Variants in PTGR2 observed in about 807,000 individuals in gnomAD.
The protein encoded by PTGR2 is prostaglandin reductase 2, also known as 15-oxoprostaglandin 13-reductase.
In PTGR2, 32 loss-of-function variants were observed where a neutral mutation model predicts 43.4. The observed-to-expected ratio is 0.74, with a 90% CI of 0.56 to 0.99. The LOEUF (loss-of-function observed/expected upper bound fraction) is 0.99. PTGR2 is among the 50% of genes least tolerant of loss of function. PTGR2 has a pLI of 0.00. For synonymous variants in PTGR2, 106 were observed against 139.2 expected (o/e 0.76, Z 1.68); for missense variants, 373 against 420.0 (o/e 0.89, Z 0.98).
rs2054801669 is a variant in PTGR2, at chr14:73,874,172, C to T, written c.306C>T (p.Pro102=). ...ATTTTGTGACTTCTTTCTATTGGCC[C>T]TGGCAAACCAAGGTTATTCTGGATG... ...KGDFVTSFYW[P]WQTKVILDGN... is the part of the protein sequence containing the mutation. The change falls in exon 4 of 10, where the codon CCC becomes CCT. Residue 102 remains proline (P), a synonymous_variant. Coordinates refer to ENST00000555661, the MANE Select transcript of PTGR2 (RefSeq NM_001146154.2). 1.2e-6 allele frequency: 2 copies of T among 1,613,924 alleles called. No individual in the cohort carries two copies. The highest frequency in any genetic ancestry group is 1.7e-6 in the Non-Finnish European group (2 of 1,179,970).
rs1566633979 is a variant in PTGR2 at position 73,857,666 on chromosome 14, T to TTTTTTTTTTTG, written c.-47-1140_-47-1139insGTTTTTTTTTT. Among the ~76,000 whole-genome samples, 77 of 80,674 alleles carry TTTTTTTTTTTG rather than the reference T, an allele frequency of 9.5e-4. 6 individuals are homozygous for TTTTTTTTTTTG. The South Asian group carries it at 0.034, about 35-fold the overall frequency. 52.9% of individuals were successfully genotyped at this position (80,674 alleles called of 152,430 possible). A position where few individuals can be genotyped will look rare whatever the true frequency, so the allele number is the denominator to read the frequency against. On this transcript the variant is annotated intron_variant, in intron 1 of 9. Coordinates refer to ENST00000555661, the MANE Select transcript of PTGR2 (RefSeq NM_001146154.2). The stretch of plus-strand genomic sequence containing the variant: ...TACATGTCAATTAAGCAGTTAGTGT[T>TTTTTTTTTTTG]TTTTTTTTTTTTTTTTTTTTGAGAC...
At chr14:73,857,348 C>T (rs1056928303) in intron 1 of PTGR2, among the ~76,000 whole-genome samples, 1 of 151,420 alleles carries the variant, frequency 6.6e-6, no homozygotes, top group Non-Finnish European at 1.5e-5. Context: ...CTTGGTGGCT[C>T]ATGCCTGTAA....
At chr14:73,860,835 G>T (rs2054472991) in intron 3 of PTGR2, among the ~76,000 whole-genome samples, 178 bp downstream of exon 3, 1 of 152,140 alleles carries the variant, frequency 6.6e-6, no homozygotes, top group East Asian at 1.9e-4. Context: ...ATTAAGGAAT[G>T]TTGTAGAGGG....
intron 4 of PTGR2, among the ~76,000 whole-genome samples, chr14:73,875,332 T>C (rs1480795116): frequency 1.3e-5 from 2 of 151,400 alleles, no homozygotes; most frequent in East Asian, 3.9e-4. Flanking sequence ...TAATGAGAAC[T>C]GTTGGAGTTT....
At chr14:73,854,204 G>A (rs1489118824) in intron 1 of PTGR2, among the ~76,000 whole-genome samples, 1 of 152,074 alleles carries the variant, frequency 6.6e-6, no homozygotes, top group African/African-American at 2.4e-5. Context: ...CCAGGTTCAA[G>A]TGATTCTCCT....
rs1595376715 is a variant in PTGR2, at chr14:73,884,709, G to A, written c.*532G>A. On this transcript the variant is annotated 3_prime_UTR_variant, in exon 10 of 10. Coordinates refer to ENST00000555661, the MANE Select transcript of PTGR2 (RefSeq NM_001146154.2). ...ATGGTATGATGTGTACATAGGGACT[G>A]GGGGCAGGATTGGGGGTTTCGGAGC... 6.6e-6 allele frequency: 1 copy of A among 152,192 alleles called. No homozygotes were observed. Among genetic ancestry groups the A allele is most frequent in the Non-Finnish European group, 1.5e-5 (1 of 68,182 alleles). The allele number at this position is 152,192 out of a possible 1,614,324, so 9.4% of individuals were successfully genotyped here.
intron 4 of PTGR2, among the ~76,000 whole-genome samples, chr14:73,875,368 C>G (rs2054834920): frequency 6.7e-6 from 1 of 150,196 alleles, no homozygotes; most frequent in Non-Finnish European, 1.5e-5. Context: ...TTTTTCAAGA[C>G]AGAGTCTTGC....
chr14:73,857,668 T>TG lies in PTGR2; in HGVS notation c.-47-1148_-47-1147insG, dbSNP rs1169073451. Among the ~76,000 whole-genome samples, 153 of 113,790 alleles carry TG rather than the reference T, an allele frequency of 1.3e-3. 4 individuals are homozygous for TG. Among genetic ancestry groups the TG allele is most frequent in the African/African-American group, 4.6e-3 (146 of 31,482 alleles). The allele number at this position is 113,790 out of a possible 152,430, so 74.7% of individuals were successfully genotyped here. On this transcript the variant is annotated intron_variant, in intron 1 of 9. Transcript: ENST00000555661. ...CATGTCAATTAAGCAGTTAGTGTTTTTTTTTTTTTTTTTTTTTTGAGACAG... is the reference window on the plus strand; with the variant it reads ...CATGTCAATTAAGCAGTTAGTGTTTTGTTTTTTTTTTTTTTTTTTGAGACAG...
chr14:73,873,989 T>C (rs2054795769), intron 3 of PTGR2, 34 bp from the exon 4 acceptor site: 1 of 1,511,014 alleles, frequency 6.6e-7, no homozygotes, highest in African/African-American at 1.4e-5. Flanking sequence ...TTGACATTAT[T>C]GGATAAAATT....
chr14:73,877,180 G>T lies in PTGR2; in HGVS notation c.519+12G>T. The stretch of plus-strand genomic sequence containing the variant: ...CTGTGGCTGGGCAGGTAAACTTTCT[G>T]AGAATTATTTGATTTTCTGATTATT... On this transcript the variant is annotated intron_variant, in intron 5 of 9. Coordinates refer to ENST00000555661, the MANE Select transcript of PTGR2 (RefSeq NM_001146154.2). The T allele has an allele frequency of 6.3e-7, 1 of 1,597,718 alleles. No homozygotes were observed. Among genetic ancestry groups the T allele is most frequent in the South Asian group, 1.1e-5 (1 of 89,290 alleles).
intron 3 of PTGR2, among the ~76,000 whole-genome samples, chr14:73,862,290 C>T (rs1004554471): frequency 2.6e-5 from 4 of 152,148 alleles, no homozygotes; most frequent in African/African-American, 9.6e-5. Context: ...TCACTGCAAG[C>T]TCCGCCTCCC....
At chr14:73,878,048 A>C (rs948885906) in intron 5 of PTGR2, 1 of 152,392 alleles carries the variant, frequency 6.6e-6, no homozygotes, top group East Asian at 1.9e-4. Flanking sequence ...TGAGAGGCTG[A>C]GGCAGGAAGA....
chr14:73,859,596 G>A (rs866712067), intron 2 of PTGR2, among the ~76,000 whole-genome samples: 2 of 150,374 alleles, frequency 1.3e-5, no homozygotes, highest in East Asian at 1.9e-4. Flanking sequence ...TTTTATATTC[G>A]TTTAAGTTTC....
chr14:73,858,968 C>T, intron 2 of PTGR2, 69 bp downstream of exon 2: 3 of 1,250,672 alleles, frequency 2.4e-6, no homozygotes, highest in Non-Finnish European at 3.5e-6. Context: ...GGAATAAAAA[C>T]TAATGTGATG....
chr14:73,869,351 C>G (rs1281857870), intron 3 of PTGR2, among the ~76,000 whole-genome samples: 1 of 151,432 alleles, frequency 6.6e-6, no homozygotes, highest in Non-Finnish European at 1.5e-5. Flanking sequence ...CTGGGCAACA[C>G]AGAAAGATGC....
In PTGR2 at chr14:73,863,188, A is replaced by G. The variant is rs141038477; in HGVS notation, c.156+2531A>G. 2.3e-3 allele frequency among the ~76,000 whole-genome samples: 350 copies of G among 152,290 alleles called. 1 individual carries two copies. Among genetic ancestry groups the G allele is most frequent in the Non-Finnish European group, 3.5e-3 (237 of 68,028 alleles). ...TGAACCTATGGTATAATTAGCAATC[A>G]TTCCCCATTTCCCCTCCTCACCCCA... On this transcript the variant is annotated intron_variant, in intron 3 of 9. Transcript: ENST00000555661.
chr14:73,856,014 C>A (rs1176231752), intron 1 of PTGR2, among the ~76,000 whole-genome samples: 2 of 151,014 alleles, frequency 1.3e-5, no homozygotes, highest in Admixed American at 6.6e-5. Flanking sequence ...TGAGATTGCG[C>A]CACTGCACTC....
chr14:73,864,616 C>T (rs961210619), intron 3 of PTGR2, among the ~76,000 whole-genome samples: 2 of 152,070 alleles, frequency 1.3e-5, no homozygotes, highest in African/African-American at 4.8e-5. Flanking sequence ...ATTCAGATTT[C>T]TTGTGCATTT....
In PTGR2 at chr14:73,880,103, A is replaced by G. The variant is rs916928206; in HGVS notation, c.778A>G (p.Asn260Asp). The change falls in exon 7 of 10, where the codon AAC becomes GAC. Residue 260 changes from asparagine to aspartate, a missense_variant. Coordinates refer to ENST00000555661, the MANE Select transcript of PTGR2 (RefSeq NM_001146154.2). ...IILCGQISQY[N>D]KDVPYPPPLS... ...CCTGTGTGGTCAAATTTCTCAGTAC[A>G]ACAAAGATGTGCCTTATCCTCCCCC... 6 of 1,613,924 alleles carry G rather than the reference A, an allele frequency of 3.7e-6. No homozygotes were observed. Among genetic ancestry groups the G allele is most frequent in the Non-Finnish European group, 5.1e-6 (6 of 1,179,846 alleles).
Sources: allele counts gnomAD v4.1 joint callset (sites outside exome capture counted in the v4.1 genomes callset), GRCh38; gene constraint gnomAD v4.1.1; transcripts MANE v1.5; gene names NCBI Gene and HGNC (gene_info 2026-07-23, HGNC 2026-07-21).